GPD2: variants seen among roughly 807,000 people sequenced by gnomAD.
The protein encoded by GPD2 is glycerol-3-phosphate dehydrogenase 2, also known as glycerol-3-phosphate dehydrogenase, mitochondrial.
In GPD2, 54 loss-of-function variants were observed where a neutral mutation model predicts 82.4. That is an observed-to-expected ratio of 0.66 (90% confidence interval 0.53 to 0.82). The LOEUF is 0.82. Among genes scored for constraint, GPD2 ranks in the 40% least tolerant of loss-of-function variants. The pLI is 0.00. For missense variants in GPD2, 748 were observed against 896.2 expected, an observed-to-expected ratio of 0.83 and a Z score of 2.11; for synonymous variants, 288 against 306.1, an observed-to-expected ratio of 0.94 and a Z score of 0.62.
chr2:156,431,729 A>C (rs1328315442), upstream of GPD2, among the ~76,000 whole-genome samples: 3 of 152,184 alleles, frequency 2.0e-5, no homozygotes, highest in Non-Finnish European at 4.4e-5. Context: ...AGCTACTTAG[A>C]TACTCATAAA....
At chr2:156,539,653 T>C (rs1297809604) in intron 6 of GPD2, among the ~76,000 whole-genome samples, 6 of 152,324 alleles carry the variant, frequency 3.9e-5, no homozygotes, top group Middle Eastern at 3.4e-3. Context: ...GTGTTTATTA[T>C]GTAGCTCACA....
At chr2:156,527,048 G>A (rs1396041253) in intron 6 of GPD2, among the ~76,000 whole-genome samples, 2 of 151,948 alleles carry the variant, frequency 1.3e-5, no homozygotes, top group Admixed American at 1.3e-4. Context: ...TACCTGTTTG[G>A]GAAAAGGAAG....
intron 2 of GPD2, among the ~76,000 whole-genome samples, chr2:156,481,612 C>G (rs2105212857): frequency 6.6e-6 from 1 of 150,976 alleles, no homozygotes; most frequent in South Asian, 2.1e-4. Flanking sequence ...CCAGGCTCAT[C>G]TGTGTTGTTG....
intron 2 of GPD2, among the ~76,000 whole-genome samples, chr2:156,485,913 G>C (rs1218003956): frequency 6.6e-6 from 1 of 152,184 alleles, no homozygotes; most frequent in Non-Finnish European, 1.5e-5. Flanking sequence ...TTTATTGTTA[G>C]GGTTATGCCA....
chr2:156,562,746 C>A (rs1281094877), intron 9 of GPD2, among the ~76,000 whole-genome samples: 1 of 152,158 alleles, frequency 6.6e-6, no homozygotes, highest in Non-Finnish European at 1.5e-5. Flanking sequence ...ATAATCACAT[C>A]ATACTTAATT....
intron 8 of GPD2, among the ~76,000 whole-genome samples, chr2:156,554,736 A>G (rs1169026849): frequency 6.6e-6 from 1 of 152,202 alleles, no homozygotes; most frequent in Non-Finnish European, 1.5e-5. Context: ...ATACATGAAA[A>G]TAATCATCTC....
At chr2:156,512,733 C>CT (rs1685048105) in intron 5 of GPD2, among the ~76,000 whole-genome samples, 1 of 151,868 alleles carries the variant, frequency 6.6e-6, no homozygotes, top group South Asian at 2.1e-4. Flanking sequence ...TGTTACGTGT[C>CT]TGAGTTAACC....
intron 1 of GPD2, among the ~76,000 whole-genome samples, chr2:156,458,911 T>C (rs1682881523): frequency 1.3e-5 from 2 of 152,160 alleles, no homozygotes; most frequent in East Asian, 1.9e-4. Flanking sequence ...AATACTACCA[T>C]TCAAAGATGA....
chr2:156,552,650 C>T (rs1356799757), intron 8 of GPD2, among the ~76,000 whole-genome samples: 1 of 152,114 alleles, frequency 6.6e-6, no homozygotes, highest in Admixed American at 6.5e-5. Context: ...TCCCCACAGA[C>T]CTTATGTTAA....
chr2:156,579,064 A>G, intron 14 of GPD2, 22 bp from the exon 15 acceptor site: 2 of 1,579,286 alleles, frequency 1.3e-6, no homozygotes, highest in South Asian at 1.1e-5. Context: ...ATATTTTTCC[A>G]TTATTTAATC....
chr2:156,470,202 CT>C (rs530497549), intron 1 of GPD2, among the ~76,000 whole-genome samples: 16 of 147,834 alleles, frequency 1.1e-4, no homozygotes, highest in Non-Finnish European at 9.0e-5. Context: ...TTTTCTTTTT[CT>C]TTTTTTTTTA....
Position 156,450,017 on chromosome 2 carries a change from A to G in GPD2, c.-9+13504A>G, listed in dbSNP as rs199654966. Among the ~76,000 whole-genome samples the G allele has an allele frequency of 9.6e-3, 5 of 520 alleles. No homozygotes were observed. The East Asian group carries it at 0.5, about 52-fold the overall frequency. 0.3% of individuals were successfully genotyped at this position (520 alleles called of 152,430 possible). Reference sequence around the variant, plus strand: ...CAGAGTGAGACTCTGTCTCAAAGAGAAAAAAGCATAGAAAGAAGTGGATAG... The same window carrying G: ...CAGAGTGAGACTCTGTCTCAAAGAGGAAAAAGCATAGAAAGAAGTGGATAG... On this transcript the variant is annotated intron_variant, in intron 1 of 16. Transcript: ENST00000438166.
intron 9 of GPD2, among the ~76,000 whole-genome samples, chr2:156,559,111 C>G (rs963849584): frequency 6.6e-6 from 1 of 152,046 alleles, no homozygotes; most frequent in African/African-American, 2.4e-5. Flanking sequence ...AACTCTTCAT[C>G]TTGGCAAAAT....
chr2:156,471,612 C>T (rs964806589), intron 1 of GPD2, among the ~76,000 whole-genome samples: 1 of 152,142 alleles, frequency 6.6e-6, no homozygotes, highest in African/African-American at 2.4e-5. Context: ...TATAACGTTC[C>T]CTACTCACTC....
chr2:156,420,564 C>T, the GPD2 span, among the ~76,000 whole-genome samples: 1 of 152,124 alleles, frequency 6.6e-6, no homozygotes, highest in East Asian at 1.9e-4. Flanking sequence ...TTAGTTTCAG[C>T]TGCATAATTT....
In GPD2 at chr2:156,569,496, A is replaced by G; in HGVS notation, c.1434A>G (p.Thr478=). 6 of 1,612,980 alleles carry G rather than the reference A, an allele frequency of 3.7e-6. No individual in the cohort carries two copies. Among genetic ancestry groups the G allele is most frequent in the Non-Finnish European group, 5.1e-6 (6 of 1,179,206 alleles). ...AAGGGGGTAAAGATTGGAGCCCCACACTCTACATTAGGCTTGTGCAGGATT... is the reference window on the plus strand; with the variant it reads ...AAGGGGGTAAAGATTGGAGCCCCACGCTCTACATTAGGCTTGTGCAGGATT... The part of the protein sequence containing the change: ...FLQGGKDWSP[T]LYIRLVQDYG... The change falls in exon 11 of 17, where the codon ACA becomes ACG. Residue 478 remains threonine (T), a synonymous_variant. Coordinates refer to ENST00000438166, the MANE Select transcript of GPD2 (RefSeq NM_000408.5).
intron 2 of GPD2, among the ~76,000 whole-genome samples, chr2:156,482,167 G>C (rs1355080509): frequency 6.6e-6 from 1 of 152,124 alleles, no homozygotes; most frequent in Non-Finnish European, 1.5e-5. Context: ...TTGCATTCAC[G>C]GATACTTTGT....
chr2:156,478,453 G>A (rs929420270), intron 2 of GPD2, among the ~76,000 whole-genome samples: 2 of 152,064 alleles, frequency 1.3e-5, no homozygotes, highest in African/African-American at 4.8e-5. Flanking sequence ...ACTGCCATTA[G>A]CATGTATTTG....
At chr2:156,537,351 C>G (rs141501781) in intron 6 of GPD2, among the ~76,000 whole-genome samples, 1 of 152,234 alleles carries the variant, frequency 6.6e-6, no homozygotes, top group African/African-American at 2.4e-5. Context: ...CTTTCTTTGA[C>G]AATAACCACT....
Sources: gnomAD v4.1 joint callset for allele counts (sites outside exome capture counted in the v4.1 genomes callset) on GRCh38, gnomAD v4.1.1 for gene constraint, MANE v1.5 for transcripts, NCBI Gene and HGNC (gene_info 2026-07-23, HGNC 2026-07-21) for gene names.